Variants in ZNF273 observed in about 807,000 individuals in gnomAD.
ZNF273 encodes zinc finger protein 9.
In ZNF273, 11 loss-of-function variants were observed where a neutral mutation model predicts 14.9. The observed-to-expected ratio is 0.74, with a 90% CI of 0.46 to 1.22. The LOEUF (loss-of-function observed/expected upper bound fraction) is 1.22, where lower values mean the gene tolerates loss of function less well. Ranked by LOEUF, ZNF273 falls within the 50% of genes most tolerant of loss-of-function variation. The probability of loss-of-function intolerance (pLI) is 0.00; values close to 1 mark genes in which losing one functional copy is unlikely to be tolerated. For missense variants in ZNF273, 577 were observed against 660.6 expected, an observed-to-expected ratio of 0.87 and a Z score of 1.39; for synonymous variants, 199 against 223.9, an observed-to-expected ratio of 0.89 and a Z score of 0.99.
At chr7:64,912,825 A>ATTTTTTTTTTTTTT (rs1562959126) in intron 1 of ZNF273, among the ~76,000 whole-genome samples, 1 of 16,848 alleles carries the variant, frequency 5.9e-5, no homozygotes, top group Non-Finnish European at 3.5e-4. Context: ...GATTCATTTT[A>ATTTTTTTTTTTTTT]GTTTTTTTTT....
At chr7:64,925,311 CTTA>C (rs1794719406) in intron 3 of ZNF273, among the ~76,000 whole-genome samples, 1 of 151,916 alleles carries the variant, frequency 6.6e-6, no homozygotes, top group Non-Finnish European at 1.5e-5. Flanking sequence ...TCATTTCTTT[CTTA>C]TTTGTGTATC....
chr7:64,881,765 C>T (rs73132368), downstream of ZNF273, among the ~76,000 whole-genome samples: 12,629 of 152,136 alleles, frequency 0.083, 668 homozygotes, highest in South Asian at 0.18. Context: ...TTGAACTCTG[C>T]GGGAGGCTCT....
At chr7:64,904,237 C>T (rs1792933164) in intron 1 of ZNF273, among the ~76,000 whole-genome samples, 1 of 152,142 alleles carries the variant, frequency 6.6e-6, no homozygotes, top group Admixed American at 6.5e-5. Context: ...TACAGGCGCA[C>T]GCCGCCACGC....
In ZNF273 at chr7:64,915,278, G is replaced by A. The variant is rs1041160256; in HGVS notation, c.103-2303G>A. Among the ~76,000 whole-genome samples the A allele has an allele frequency of 4.6e-5, 7 of 152,154 alleles. No homozygotes were observed. The East Asian group carries it at 1.4e-3, about 30-fold the overall frequency. On this transcript the variant is annotated intron_variant, in intron 1 of 3. Transcript: ENST00000476120. ...AAAAGCTGGTGCCGAGACCAGCTCGGTCAGGGAGAACCTAACCCAGCGGCG... is the reference window on the plus strand; with the variant it reads ...AAAAGCTGGTGCCGAGACCAGCTCGATCAGGGAGAACCTAACCCAGCGGCG...
chr7:64,885,137 C>T (rs770705316), intron 1 of ZNF273, among the ~76,000 whole-genome samples: 1 of 152,230 alleles, frequency 6.6e-6, no homozygotes, highest in South Asian at 2.1e-4. Context: ...CACGTGTCGG[C>T]GTTGGACTCT....
chr7:64,904,391 A>T (rs931093831), intron 1 of ZNF273, among the ~76,000 whole-genome samples: 2 of 152,104 alleles, frequency 1.3e-5, no homozygotes, highest in Non-Finnish European at 2.9e-5. Context: ...CGCCCGGCCA[A>T]TTTGAGTTAG....
chr7:64,910,089 A>G (rs998937200), intron 1 of ZNF273, among the ~76,000 whole-genome samples: 2 of 152,028 alleles, frequency 1.3e-5, no homozygotes, highest in Non-Finnish European at 1.5e-5. Flanking sequence ...TGGCAGAAGC[A>G]TAGTTTGCAG....
intron 1 of ZNF273, among the ~76,000 whole-genome samples, chr7:64,885,010 T>C (rs898580114): frequency 6.6e-6 from 1 of 152,220 alleles, no homozygotes; most frequent in African/African-American, 2.4e-5. Flanking sequence ...CGGATTCGCA[T>C]GCGCCAGTCG....
downstream of ZNF273, among the ~76,000 whole-genome samples, chr7:64,935,886 A>T (rs1375286945): frequency 2.0e-5 from 3 of 152,202 alleles, no homozygotes; most frequent in Admixed American, 2.0e-4. Context: ...ATGGGATAAA[A>T]TTAATCAAAA....
chr7:64,912,976 A>G (rs1361577511), intron 1 of ZNF273, among the ~76,000 whole-genome samples: 1 of 151,278 alleles, frequency 6.6e-6, no homozygotes, highest in Non-Finnish European at 1.5e-5. Context: ...CTACAGGTGT[A>G]CACCACCATG....
intron 1 of ZNF273, chr7:64,917,261 A>C: frequency 3.9e-6 from 2 of 515,516 alleles, no homozygotes. Flanking sequence ...TTTCTATCTG[A>C]AAAATATACA....
downstream of ZNF273, among the ~76,000 whole-genome samples, chr7:64,881,096 C>T (rs1791240530): frequency 6.6e-6 from 1 of 152,200 alleles, no homozygotes; most frequent in African/African-American, 2.4e-5. Flanking sequence ...TCCCTTCGTC[C>T]ACAGGCCGTC....
At chr7:64,923,309 ATTG>A (rs149181771) in intron 3 of ZNF273, 19,156 of 453,928 alleles carry the variant, frequency 0.042, 578 homozygotes, top group East Asian at 0.15. Flanking sequence ...GTCCAGTTTT[ATTG>A]TTGTTGTTTG....
exon 4 of ZNF273, chr7:64,897,537 A>C (rs1792434804): frequency 6.6e-6 from 1 of 151,786 alleles, no homozygotes; most frequent in Non-Finnish European, 1.5e-5. Flanking sequence ...TGTGCTGGCC[A>C]GCATGGTCTC....
chr7:64,910,865 A>T (rs1452884380), intron 1 of ZNF273, among the ~76,000 whole-genome samples: 1 of 150,884 alleles, frequency 6.6e-6, no homozygotes, highest in African/African-American at 2.4e-5. Flanking sequence ...TCCTAGGTTC[A>T]AACAATTCTC....
intron 1 of ZNF273, among the ~76,000 whole-genome samples, chr7:64,916,542 CA>C (rs10712527): frequency 0.26 from 22,391 of 85,220 alleles, 1,750 homozygotes; most frequent in East Asian, 0.45. Flanking sequence ...AAAACTGTCT[CA>C]AAAAAAAAAA....
In ZNF273 at chr7:64,930,617, A is replaced by G. The variant is rs1794970804; in HGVS notation, c.*1579A>G. On this transcript the variant is annotated 3_prime_UTR_variant, in exon 4 of 4. Transcript: ENST00000476120. ...ATGGTGTAGGTAAAAGATGATAGCA[A>G]TATATTATTTGGTTACATAGTGGAC... is the stretch of plus-strand genomic sequence containing the variant. The G allele has an allele frequency of 6.6e-6, 1 of 152,186 alleles. No individual in the cohort carries two copies. 9.4% of individuals were successfully genotyped at this position (152,186 alleles called of 1,614,324 possible).
At chr7:64,889,420 G>A (rs549826939), downstream of ZNF273, 2 of 985,388 alleles carry the variant, frequency 2.0e-6, no homozygotes, top group East Asian at 2.3e-4. This position sits in a 1 kb window ranked among gnomAD's most constrained non-coding sequence, Gnocchi z 4.2. Context: ...GGAGCGCGGA[G>A]CCCCTTCCCA....
At chr7:64,889,749 G>A, downstream of ZNF273, 1 of 985,850 alleles carries the variant, frequency 1.0e-6, no homozygotes, top group Non-Finnish European at 1.2e-6. This position sits in a 1 kb window ranked among gnomAD's most constrained non-coding sequence, Gnocchi z 4.2. Flanking sequence ...TCCACGCTCA[G>A]CCCCACGGGG....
Sources: allele counts gnomAD v4.1 joint callset (sites outside exome capture counted in the v4.1 genomes callset), GRCh38; gene constraint gnomAD v4.1.1; non-coding constraint Gnocchi (gnomAD v3.1); transcripts MANE v1.5; gene names NCBI Gene and HGNC (gene_info 2026-07-23, HGNC 2026-07-21).